KANK1: variants seen among roughly 807,000 people sequenced by gnomAD.
KANK1 encodes the protein KN motif and ankyrin repeat domains 1.
KANK1 carries 109 observed loss-of-function variants against 106.2 expected under a neutral mutation model. That is an observed-to-expected ratio of 1.03 (90% confidence interval 0.88 to 1.20). The LOEUF (loss-of-function observed/expected upper bound fraction) is 1.20, where lower values mean the gene tolerates loss of function less well. Among genes scored for constraint, KANK1 ranks in the 50% most tolerant of loss-of-function variants. KANK1 has a pLI of 0.00. For missense variants in KANK1, 2,399 were observed against 1,710.7 expected (o/e 1.40, Z -7.10); for synonymous variants, 873 against 652.2 (o/e 1.34, Z -5.16).
chr9:520,552 G>A (rs977308529), intron 1 of KANK1, among the ~76,000 whole-genome samples: 2 of 151,622 alleles, frequency 1.3e-5, no homozygotes, highest in Non-Finnish European at 2.9e-5. Context: ...TTTCAGGGAG[G>A]TTAGCGAATA....
intron 1 of KANK1, among the ~76,000 whole-genome samples, chr9:527,228 C>G (rs1463663401): frequency 6.6e-6 from 1 of 151,836 alleles, no homozygotes; most frequent in East Asian, 1.9e-4. Flanking sequence ...CTCTGTTTCT[C>G]TTCCCTGGAT....
intron 1 of KANK1, among the ~76,000 whole-genome samples, chr9:648,958 G>A (rs1336527015): frequency 1.3e-5 from 2 of 152,084 alleles, no homozygotes; most frequent in Admixed American, 1.3e-4. Context: ...TGTATTATTA[G>A]GAGACTCTCA....
intron 1 of KANK1, among the ~76,000 whole-genome samples, chr9:605,339 G>A (rs1219700879): frequency 1.3e-5 from 2 of 151,158 alleles, no homozygotes; most frequent in Non-Finnish European, 2.9e-5. Flanking sequence ...TAGCCATGAG[G>A]AAAGATAATC....
chr9:532,389 T>TTTTA (rs2060103299), intron 1 of KANK1, among the ~76,000 whole-genome samples: 1 of 132,142 alleles, frequency 7.6e-6, no homozygotes, highest in African/African-American at 3.2e-5. Context: ...TTTTTTTTTT[T>TTTTA]ACCATTTCAA....
At chr9:540,223 TGA>T (rs921245063) in intron 1 of KANK1, among the ~76,000 whole-genome samples, 3 of 152,236 alleles carry the variant, frequency 2.0e-5, no homozygotes, top group African/African-American at 7.2e-5. Context: ...CCTAATCTGT[TGA>T]GAGTTTTTAT....
chr9:669,862 G>C (rs1448847156), intron 1 of KANK1, among the ~76,000 whole-genome samples: 4 of 151,890 alleles, frequency 2.6e-5, no homozygotes, highest in African/African-American at 9.7e-5. Flanking sequence ...ATAATTCTTA[G>C]ATTTGGTCTT....
intron 1 of KANK1, among the ~76,000 whole-genome samples, chr9:656,879 CTTTTT>C (rs200747803): frequency 6.6e-6 from 1 of 151,238 alleles, no homozygotes; most frequent in African/African-American, 2.4e-5. Flanking sequence ...TACTTTTTTC[CTTTTT>C]TTTTATTGTG....
intron 1 of KANK1, among the ~76,000 whole-genome samples, chr9:641,801 T>G (rs958633215): frequency 6.6e-6 from 1 of 152,190 alleles, no homozygotes; most frequent in African/African-American, 2.4e-5. Flanking sequence ...ACATTTTGGT[T>G]TTTTAAGGAC....
intron 1 of KANK1, among the ~76,000 whole-genome samples, chr9:543,701 C>G (rs560845360): frequency 5.3e-5 from 8 of 152,278 alleles, no homozygotes; most frequent in South Asian, 4.1e-4. Context: ...ATTATGCTGT[C>G]AGTGCAGATG....
chr9:677,815 G>A (rs1816700623), intron 2 of KANK1, among the ~76,000 whole-genome samples: 1 of 152,166 alleles, frequency 6.6e-6, no homozygotes, highest in Admixed American at 6.5e-5. Flanking sequence ...ATTATATACT[G>A]GAGCAAGTGT....
At chr9:720,510 T>A (rs1354749116) in intron 3 of KANK1, among the ~76,000 whole-genome samples, 2 of 152,118 alleles carry the variant, frequency 1.3e-5, no homozygotes, top group Non-Finnish European at 2.9e-5. Context: ...TGCCCAGCTG[T>A]TTTTTGTTTT....
At chr9:695,466 T>C (rs914129550) in intron 2 of KANK1, among the ~76,000 whole-genome samples, 2 of 64,344 alleles carry the variant, frequency 3.1e-5, no homozygotes, top group Non-Finnish European at 7.2e-5. Context: ...GCAGTGCGTG[T>C]GCACACACAC....
intron 7 of KANK1, among the ~76,000 whole-genome samples, chr9:735,990 A>G (rs1833694779): frequency 6.6e-6 from 1 of 152,048 alleles, no homozygotes; most frequent in African/African-American, 2.4e-5. Context: ...GTGAGACTCC[A>G]TCTGAAAAAA....
At chr9:713,616 T>G (rs1826837076) in intron 3 of KANK1, 152 bp downstream of exon 3, 1 of 844,030 alleles carries the variant, frequency 1.2e-6, no homozygotes, top group Admixed American at 3.4e-5. Context: ...AAACTAAGAA[T>G]CAAAATCCAT....
chr9:503,644 TCC>T (rs1258325797), upstream of KANK1, among the ~76,000 whole-genome samples: 2 of 152,168 alleles, frequency 1.3e-5, no homozygotes, highest in African/African-American at 4.8e-5. Flanking sequence ...GAGGACTCTC[TCC>T]CTTAAGAAAA....
chr9:696,306 G>C (rs1260271186), intron 2 of KANK1, among the ~76,000 whole-genome samples: 1 of 151,396 alleles, frequency 6.6e-6, no homozygotes, highest in Admixed American at 6.6e-5. Context: ...AAAACTGCTT[G>C]ACTTCTGCCT....
rs180996058 is a variant in KANK1 at position 632,850 on chromosome 9, C to T, written c.-83-44040C>T. On this transcript the variant is annotated intron_variant, in intron 1 of 11. Transcript: ENST00000382297. Reference sequence around the variant, plus strand: ...GTTTACAGGCATGCGCCACCGCACCCGGCTAATTTTTTTTTGTAGTCTTAG... The same window carrying T: ...GTTTACAGGCATGCGCCACCGCACCTGGCTAATTTTTTTTTGTAGTCTTAG... Among the ~76,000 whole-genome samples the T allele has an allele frequency of 1.7e-3, 252 of 152,130 alleles. 1 individual carries two copies. Among genetic ancestry groups the T allele is most frequent in the Non-Finnish European group, 3.0e-3 (202 of 67,996 alleles).
chr9:630,482 C>T (rs1045641608), intron 1 of KANK1, among the ~76,000 whole-genome samples: 5 of 149,708 alleles, frequency 3.3e-5, no homozygotes, highest in South Asian at 2.1e-4. Flanking sequence ...ACCCGGGAGG[C>T]GGAGCTTGCA....
At chr9:743,176 G>A (rs111259803) in intron 10 of KANK1, among the ~76,000 whole-genome samples, 182 of 152,348 alleles carry the variant, frequency 1.2e-3, no homozygotes, top group African/African-American at 4.2e-3. Flanking sequence ...GTTTATCTCT[G>A]TGGATCACAG....
Sources: allele counts gnomAD v4.1 joint callset (sites outside exome capture counted in the v4.1 genomes callset), GRCh38; gene constraint gnomAD v4.1.1; transcripts MANE v1.5; gene names NCBI Gene and HGNC (gene_info 2026-07-23, HGNC 2026-07-21).